The following LOC128462377 variants were observed in gnomAD, a reference collection of about 807,000 sequenced individuals.
chr16:89,373,970 G>A, the LOC128462377 span, among the ~76,000 whole-genome samples: 5 of 152,220 alleles, frequency 3.3e-5, no homozygotes, highest in Admixed American at 6.5e-5. Context: ...TGGCCCACTC[G>A]ACATCTCCAG....
At chr16:89,385,349 G>A in the LOC128462377 span, among the ~76,000 whole-genome samples, 2 of 151,638 alleles carry the variant, frequency 1.3e-5, no homozygotes, top group Admixed American at 6.6e-5. Flanking sequence ...GGCTGGTCTC[G>A]AACTCCTGAC....
the LOC128462377 span, among the ~76,000 whole-genome samples, chr16:89,326,410 C>G: frequency 1.3e-5 from 2 of 151,900 alleles, no homozygotes; most frequent in Non-Finnish European, 2.9e-5. Context: ...AGGTGCACAC[C>G]ACTCAGCAAC....
chr16:89,318,131 C>T, the LOC128462377 span, among the ~76,000 whole-genome samples: 1 of 152,248 alleles, frequency 6.6e-6, no homozygotes, highest in African/African-American at 2.4e-5. Flanking sequence ...GAGGCTGCCC[C>T]TCTGCGACAC....
the LOC128462377 span, among the ~76,000 whole-genome samples, chr16:89,404,873 T>C: frequency 5.2e-5 from 8 of 152,396 alleles, no homozygotes; most frequent in East Asian, 1.5e-3. Context: ...AATCACACTA[T>C]TGACTCTTGC....
At chr16:89,341,500 G>A in the LOC128462377 span, among the ~76,000 whole-genome samples, 4 of 152,082 alleles carry the variant, frequency 2.6e-5, no homozygotes, top group Non-Finnish European at 5.9e-5. Context: ...CCTTAGCAAC[G>A]GCTCTAAACA....
At chr16:89,379,880 AAAT>A in the LOC128462377 span, among the ~76,000 whole-genome samples, 1 of 152,222 alleles carries the variant, frequency 6.6e-6, no homozygotes, top group Non-Finnish European at 1.5e-5. Context: ...GAAAAATAAA[AAAT>A]TTAGAAAGAA....
the LOC128462377 span, chr16:89,340,011 C>T: frequency 2.0e-5 from 3 of 152,230 alleles, no homozygotes; most frequent in African/African-American, 7.2e-5. Flanking sequence ...CTTATGACAA[C>T]TGCAGTGTGC....
the LOC128462377 span, among the ~76,000 whole-genome samples, chr16:89,326,978 G>A: frequency 3.3e-5 from 5 of 152,118 alleles, no homozygotes; most frequent in Non-Finnish European, 5.9e-5. Flanking sequence ...GAAGTCCACT[G>A]GGCAATGCAG....
the LOC128462377 span, among the ~76,000 whole-genome samples, chr16:89,340,552 G>C: frequency 2.6e-5 from 4 of 152,234 alleles, no homozygotes; most frequent in Admixed American, 2.6e-4. Flanking sequence ...TGGGATTACA[G>C]GCATGAGCCA....
At chr16:89,349,903 CACACACACAT>C in the LOC128462377 span, among the ~76,000 whole-genome samples, 1,620 of 134,422 alleles carry the variant, frequency 0.012, 37 homozygotes, top group African/African-American at 0.033. Context: ...CACACACACA[CACACACACAT>C]ATTCAAACAA....
At chr16:89,350,084 G>C in the LOC128462377 span, among the ~76,000 whole-genome samples, 2 of 152,062 alleles carry the variant, frequency 1.3e-5, no homozygotes, top group African/African-American at 2.4e-5. Flanking sequence ...CACCAAAAAA[G>C]CCACATGAAA....
the LOC128462377 span, among the ~76,000 whole-genome samples, chr16:89,338,178 G>A: frequency 2.0e-5 from 3 of 152,108 alleles, no homozygotes; most frequent in Non-Finnish European, 4.4e-5. Flanking sequence ...GTGCTGCCCC[G>A]AGACGCACTC....
chr16:89,385,737 T>C, the LOC128462377 span, among the ~76,000 whole-genome samples: 1 of 152,380 alleles, frequency 6.6e-6, no homozygotes, highest in East Asian at 1.9e-4. Context: ...TCAGCACCAC[T>C]TTCACGTCTG....
At chr16:89,332,136 A>T in the LOC128462377 span, among the ~76,000 whole-genome samples, 1 of 152,204 alleles carries the variant, frequency 6.6e-6, no homozygotes, top group Non-Finnish European at 1.5e-5. Context: ...TTAAAAAAAA[A>T]AGATAATAAT....
chr16:89,346,474 C>A, the LOC128462377 span, among the ~76,000 whole-genome samples: 1 of 152,146 alleles, frequency 6.6e-6, no homozygotes, highest in Non-Finnish European at 1.5e-5. Flanking sequence ...ATTTTTCAAG[C>A]TCCCAGGGAA....
chr16:89,359,642 C>T, the LOC128462377 span, among the ~76,000 whole-genome samples: 1 of 152,158 alleles, frequency 6.6e-6, no homozygotes, highest in South Asian at 2.1e-4. Context: ...TCTTTTACCA[C>T]GAAGGTAGCC....
At chr16:89,381,760 G>A in the LOC128462377 span, among the ~76,000 whole-genome samples, 3 of 152,084 alleles carry the variant, frequency 2.0e-5, no homozygotes, top group Admixed American at 6.6e-5. Flanking sequence ...CCTCCTTACC[G>A]AATTTATACA....
the LOC128462377 span, among the ~76,000 whole-genome samples, chr16:89,341,401 T>A: frequency 6.6e-6 from 1 of 152,192 alleles, no homozygotes; most frequent in Non-Finnish European, 1.5e-5. Context: ...GTTGGAGGGA[T>A]AAGGCCCCAA....
the LOC128462377 span, chr16:89,339,791 G>A: frequency 6.6e-6 from 1 of 152,114 alleles, no homozygotes; most frequent in Non-Finnish European, 1.5e-5. Flanking sequence ...CCTTATATAA[G>A]CCCCACCCTG....
Sources: gnomAD v4.1 joint callset for allele counts (sites outside exome capture counted in the v4.1 genomes callset) on GRCh38, gnomAD v4.1.1 for gene constraint, MANE v1.5 for transcripts.